DLG2: variants seen among roughly 807,000 people sequenced by gnomAD.
DLG2 encodes disks large homolog 2.
DLG2 carries 45 observed loss-of-function variants against 132.5 expected under a neutral mutation model. The observed-to-expected ratio is 0.34, with a 90% CI of 0.27 to 0.44. The LOEUF (loss-of-function observed/expected upper bound fraction) is 0.44. Ranked by LOEUF, DLG2 falls within the 20% of genes least tolerant of loss-of-function variation. The pLI is 1.00. For missense variants in DLG2, 1,045 were observed against 1,196.9 expected (o/e 0.87, Z 1.87); for synonymous variants, 424 against 419.6 (o/e 1.01, Z -0.13).
intron 3 of DLG2, among the ~76,000 whole-genome samples, chr11:85,533,261 C>T (rs1301100411): frequency 4.0e-5 from 6 of 151,832 alleles, no homozygotes; most frequent in Admixed American, 6.6e-5. Flanking sequence ...TGGCCTCAAT[C>T]GATCCACCCA....
At chr11:84,242,993 TTCTCTCTC>T (rs145284405) in intron 8 of DLG2, among the ~76,000 whole-genome samples, 3 of 125,098 alleles carry the variant, frequency 2.4e-5, no homozygotes, top group East Asian at 2.5e-4. Context: ...ATTAATTAGG[TTCTCTCTC>T]TCTCTCTCTC....
intron 7 of DLG2, among the ~76,000 whole-genome samples, chr11:84,275,067 C>T (rs981835625): frequency 6.6e-6 from 1 of 152,208 alleles, no homozygotes; most frequent in Admixed American, 6.5e-5. Context: ...CTTCCAAAAT[C>T]CCAGTCATTC....
intron 6 of DLG2, among the ~76,000 whole-genome samples, chr11:84,989,785 T>C (rs1027635629): frequency 6.6e-6 from 1 of 152,134 alleles, no homozygotes; most frequent in African/African-American, 2.4e-5. Context: ...CATAGATTAA[T>C]TGAACAGAAT....
intron 3 of DLG2, among the ~76,000 whole-genome samples, chr11:85,539,546 A>G (rs1036536449): frequency 6.6e-6 from 1 of 152,102 alleles, no homozygotes; most frequent in African/African-American, 2.4e-5. Flanking sequence ...TCTTTTTGGG[A>G]TTATGGAAAT....
chr11:83,667,120 AT>A (rs1186907569), intron 18 of DLG2, among the ~76,000 whole-genome samples: 2 of 152,246 alleles, frequency 1.3e-5, no homozygotes, highest in East Asian at 3.8e-4. Flanking sequence ...ATATATAAAA[AT>A]ATGAATAAAG....
chr11:84,937,274 A>G (rs2048862801), intron 6 of DLG2, among the ~76,000 whole-genome samples: 1 of 152,084 alleles, frequency 6.6e-6, no homozygotes, highest in African/African-American at 2.4e-5. Flanking sequence ...CCATGCATTA[A>G]TTTATGAAAT....
chr11:83,589,245 G>T (rs574679326), intron 19 of DLG2, among the ~76,000 whole-genome samples: 2 of 151,460 alleles, frequency 1.3e-5, no homozygotes, highest in South Asian at 2.1e-4. Context: ...AGAGAGAAAG[G>T]TCGGGTTACC....
At chr11:84,889,196 C>G (rs556126260) in intron 6 of DLG2, among the ~76,000 whole-genome samples, 1 of 152,020 alleles carries the variant, frequency 6.6e-6, no homozygotes, top group Non-Finnish European at 1.5e-5. Context: ...TATAAAGGCA[C>G]GATCCTCATC....
intron 7 of DLG2, among the ~76,000 whole-genome samples, chr11:84,283,098 T>A (rs2097869350): frequency 6.6e-6 from 1 of 152,196 alleles, no homozygotes; most frequent in South Asian, 2.1e-4. Flanking sequence ...AAATTTCTAG[T>A]TTCCCCATAG....
At chr11:84,623,450 C>T (rs915155445) in intron 6 of DLG2, among the ~76,000 whole-genome samples, 3 of 152,132 alleles carry the variant, frequency 2.0e-5, no homozygotes, top group Non-Finnish European at 4.4e-5. Flanking sequence ...GCTTGTATAA[C>T]ACTTTATAGC....
chr11:85,510,817 T>C (rs1239164670), intron 3 of DLG2, among the ~76,000 whole-genome samples: 2 of 152,210 alleles, frequency 1.3e-5, no homozygotes, highest in Admixed American at 6.5e-5. Flanking sequence ...AGTGTGGCGA[T>C]TCCTCAGGGA....
chr11:83,807,280 G>A (rs957819348), intron 17 of DLG2, among the ~76,000 whole-genome samples: 1 of 152,164 alleles, frequency 6.6e-6, no homozygotes, highest in African/African-American at 2.4e-5. Context: ...GATATTATAA[G>A]CATCAGAAAA....
At chr11:84,972,200 A>C (rs1441838597) in intron 6 of DLG2, among the ~76,000 whole-genome samples, 1 of 152,218 alleles carries the variant, frequency 6.6e-6, no homozygotes, top group Non-Finnish European at 1.5e-5. Context: ...AAGTGAACAG[A>C]ATAGAGCCTC....
chr11:84,770,433 A>T (rs2069127730), intron 6 of DLG2, among the ~76,000 whole-genome samples: 1 of 151,320 alleles, frequency 6.6e-6, no homozygotes, highest in South Asian at 2.1e-4. Context: ...TATCCAATGG[A>T]TATTTTTTCT....
intron 11 of DLG2, among the ~76,000 whole-genome samples, chr11:84,009,810 T>A (rs2094783639): frequency 6.6e-6 from 1 of 152,126 alleles, no homozygotes; most frequent in Admixed American, 6.6e-5. Context: ...ATGCCTTATC[T>A]CATTTCATCT....
intron 15 of DLG2, among the ~76,000 whole-genome samples, chr11:83,899,550 T>C (rs981701245): frequency 2.0e-5 from 3 of 152,194 alleles, no homozygotes. Context: ...TTCCCATGCC[T>C]TTCTCATGAC....
Position 84,352,571 on chromosome 11 carries a change from C to T in DLG2, c.520-101280G>A, listed in dbSNP as rs550994300. Among the ~76,000 whole-genome samples the T allele has an allele frequency of 1.6e-4, 24 of 152,214 alleles. No homozygotes were observed. The South Asian group carries it at 2.3e-3, about 14-fold the overall frequency. ...GGTGAGCCACAAAAAAAGATTCCTG[C>T]GGGAGATTTGTGGGTGTAAGTGAAG... On this transcript the variant is annotated intron_variant, in intron 7 of 27. Coordinates refer to ENST00000376104, the MANE Select transcript of DLG2 (RefSeq NM_001142699.3).
At chr11:83,665,791 A>G (rs1051648597) in intron 18 of DLG2, among the ~76,000 whole-genome samples, 1 of 152,232 alleles carries the variant, frequency 6.6e-6, no homozygotes, top group African/African-American at 2.4e-5. Context: ...GAGATTCTTG[A>G]GATTTTTTTT....
At chr11:83,739,152 C>T (rs2092289749) in intron 18 of DLG2, among the ~76,000 whole-genome samples, 2 of 151,982 alleles carry the variant, frequency 1.3e-5, no homozygotes, top group South Asian at 4.2e-4. Context: ...TTCTATGATT[C>T]AAATTATCTT....
Sources: allele counts gnomAD v4.1 joint callset (sites outside exome capture counted in the v4.1 genomes callset), GRCh38; gene constraint gnomAD v4.1.1; transcripts MANE v1.5; gene names NCBI Gene and HGNC (gene_info 2026-07-23, HGNC 2026-07-21).